The following NSD3 variants were observed in gnomAD, a reference collection of about 807,000 sequenced individuals.
NSD3 encodes the protein histone-lysine N-methyltransferase NSD3.
Under a neutral mutation model 160.8 loss-of-function variants are expected in NSD3, and 24 were observed. That is an observed-to-expected ratio of 0.15 (90% CI 0.11 to 0.21). NSD3 has a LOEUF of 0.21. Among genes scored for constraint, NSD3 ranks in the 10% least tolerant of loss-of-function variants. NSD3 has a pLI of 1.00. For synonymous variants in NSD3, 520 were observed against 600.0 expected (o/e 0.87, Z 1.95); for missense variants, 1,157 against 1,735.9 (o/e 0.67, Z 5.93).
At chr8:38,373,428 T>C (rs2150396414) in intron 1 of NSD3, among the ~76,000 whole-genome samples, 1 of 152,278 alleles carries the variant, frequency 6.6e-6, no homozygotes, top group Middle Eastern at 3.4e-3. Flanking sequence ...ATACTGTACA[T>C]TCAAGTTTTA....
chr8:38,315,320 T>G (rs1585879617), intron 11 of NSD3, 96 bp downstream of exon 11: 1 of 1,336,814 alleles, frequency 7.5e-7, no homozygotes, highest in African/African-American at 1.5e-5. Flanking sequence ...TCATAATAAT[T>G]TGGAAACATA....
intron 5 of NSD3, among the ~76,000 whole-genome samples, 170 bp from the exon 6 acceptor site, chr8:38,330,063 T>C (rs1266165622): frequency 6.6e-6 from 1 of 152,226 alleles, no homozygotes; most frequent in East Asian, 1.9e-4. Context: ...TAAAAAGATA[T>C]TCGATAACAT....
rs571083509 is a variant in NSD3 at position 38,326,758 on chromosome 8, T to C, written c.1680A>G (p.Ser560=). The C allele has an allele frequency of 3.1e-6, 5 of 1,614,060 alleles. No individual in the cohort carries two copies. The highest frequency in any genetic ancestry group is 1.7e-5 in the Admixed American group (1 of 60,024). Residue 560 remains serine, a synonymous_variant, in exon 7 of 24, where the codon TCA becomes TCG. Coordinates refer to ENST00000317025, the MANE Select transcript of NSD3 (RefSeq NM_023034.2). The part of the protein sequence containing the change: ...QRNEKPTQSV[S]SPEATSGSTG... ...TAGAACCAGATGTTGCTTCAGGAGA[T>C]GATACACTCTGCGTTGGCTTTTCAT...
intron 15 of NSD3, among the ~76,000 whole-genome samples, chr8:38,296,670 C>T (rs1005296788): frequency 7.8e-6 from 1 of 128,898 alleles, no homozygotes; most frequent in Non-Finnish European, 1.7e-5. Flanking sequence ...CTCTCTCTCT[C>T]CCTCTGTGTG....
chr8:38,299,790 T>TC (rs1288674311), intron 14 of NSD3, 200 bp from the exon 15 acceptor site: 1 of 407,264 alleles, frequency 2.5e-6, no homozygotes, highest in Non-Finnish European at 4.2e-6. Context: ...CAATTCCTTA[T>TC]CCCTATATAT....
intron 7 of NSD3, 27 bp downstream of exon 7, chr8:38,326,701 ACC>A: frequency 6.3e-7 from 1 of 1,589,098 alleles, no homozygotes. Context: ...CTCAAAATGG[ACC>A]TATATATACT....
At chr8:38,283,465 A>G (rs1329333824) in intron 19 of NSD3, among the ~76,000 whole-genome samples, 2 of 131,232 alleles carry the variant, frequency 1.5e-5, no homozygotes, top group Non-Finnish European at 3.1e-5. Flanking sequence ...AGTATCACAG[A>G]ACTGTTGGTA....
rs372097319 is a variant in NSD3, at chr8:38,347,765, G to A, written c.407C>T (p.Pro136Leu). Residue 136 changes from proline (P) to leucine (L), a missense_variant, in exon 2 of 24, where the codon CCT becomes CTT. Pro to Leu is a moderately conservative substitution (Grantham distance 98). Transcript: ENST00000317025. Reference protein sequence around the residue: ...EKPSPPQPPPPPSVPQTVIPK... With the variant: ...EKPSPPQPPPLPSVPQTVIPK... ...AATCACAGTTTGTGGTACCGAAGGA[G>A]GAGGTGGTGGCTGTGGAGGGGAAGG... 1.2e-6 allele frequency: 2 copies of A among 1,613,198 alleles called. No individual in the cohort carries two copies. Among genetic ancestry groups the A allele is most frequent in the Non-Finnish European group, 1.7e-6 (2 of 1,180,038 alleles).
At chr8:38,337,239 T>C in intron 4 of NSD3, 66 bp downstream of exon 4, 1 of 1,380,222 alleles carries the variant, frequency 7.2e-7, no homozygotes, top group Non-Finnish European at 9.6e-7. Flanking sequence ...TATATTCACA[T>C]ACAACATTTA....
chr8:38,284,682 C>T (rs753958655), intron 19 of NSD3, among the ~76,000 whole-genome samples: 3 of 152,162 alleles, frequency 2.0e-5, no homozygotes, highest in African/African-American at 4.8e-5. Context: ...CCACTGTGCC[C>T]GGCCTAGGGC....
rs530207803 is a variant in NSD3 at position 38,287,377 on chromosome 8, T to C, written c.3501+1110A>G. Among the ~76,000 whole-genome samples, 16 of 152,296 alleles carry C rather than the reference T, an allele frequency of 1.1e-4. No homozygotes were observed. In the South Asian group the frequency reaches 1.7e-3, roughly 16 times the overall value. On this transcript the variant is annotated intron_variant, in intron 19 of 23. Transcript: ENST00000317025. ...ATCTATATGTACTGCCACAAATGTA[T>C]TTATGCTATCGTGTGTGAATGGGAA...
chr8:38,276,350 C>CT lies in NSD3; in HGVS notation c.4017dup (p.Asp1340ArgfsTer12). On this transcript the variant is annotated frameshift_variant, in exon 23 of 24. Coordinates refer to ENST00000317025, the MANE Select transcript of NSD3 (RefSeq NM_023034.2). LOFTEE classifies it high-confidence loss of function. The stretch of plus-strand genomic sequence containing the variant: ...AGGAGGTGGTATGCTTTGGGACAGT[C>CT]TTTTTTGTCACACATGACCAGCTCT... 1.2e-6 allele frequency: 2 copies of CT among 1,614,174 alleles called. No individual in the cohort carries two copies. Among genetic ancestry groups the CT allele is most frequent in the South Asian group, 1.1e-5 (1 of 91,078 alleles).
At chr8:38,291,753 T>G (rs1168957717) in intron 16 of NSD3, among the ~76,000 whole-genome samples, 1 of 152,238 alleles carries the variant, frequency 6.6e-6, no homozygotes, top group African/African-American at 2.4e-5. Flanking sequence ...CTGCCTTCAC[T>G]AACGTCAGTT....
At chr8:38,352,640 C>T (rs1020398550) in intron 1 of NSD3, among the ~76,000 whole-genome samples, 1 of 152,286 alleles carries the variant, frequency 6.6e-6, no homozygotes, top group Non-Finnish European at 1.5e-5. Flanking sequence ...GGGTCTCACT[C>T]TGTTGCCCAG....
chr8:38,378,330 C>T (rs1015641569), intron 1 of NSD3, among the ~76,000 whole-genome samples: 1 of 151,870 alleles, frequency 6.6e-6, no homozygotes, highest in African/African-American at 2.4e-5. Context: ...ATAGTGAAAC[C>T]CTGTCTCTAC....
chr8:38,277,162 G>A (rs963129656), intron 22 of NSD3, among the ~76,000 whole-genome samples: 2 of 152,050 alleles, frequency 1.3e-5, no homozygotes, highest in Non-Finnish European at 2.9e-5. Flanking sequence ...GGCTGGTCTT[G>A]AACTCCTGAG....
At chr8:38,375,846 GA>G (rs1434526594) in intron 1 of NSD3, among the ~76,000 whole-genome samples, 1 of 151,826 alleles carries the variant, frequency 6.6e-6, no homozygotes, top group African/African-American at 2.4e-5. Flanking sequence ...GAATTGCATT[GA>G]AAAACAGATT....
chr8:38,377,790 C>T (rs1780423287), intron 1 of NSD3, among the ~76,000 whole-genome samples: 1 of 151,934 alleles, frequency 6.6e-6, no homozygotes, highest in Admixed American at 6.6e-5. Context: ...AAAAATTAGC[C>T]GGCACGGTGG....
chr8:38,369,520 C>G (rs1161596557), intron 1 of NSD3, among the ~76,000 whole-genome samples: 1 of 152,202 alleles, frequency 6.6e-6, no homozygotes, highest in Non-Finnish European at 1.5e-5. Flanking sequence ...GTTCTTCTTC[C>G]ATTAAACATG....
Sources: allele counts gnomAD v4.1 joint callset (sites outside exome capture counted in the v4.1 genomes callset), GRCh38; gene constraint gnomAD v4.1.1; transcripts MANE v1.5; gene names NCBI Gene and HGNC (gene_info 2026-07-23, HGNC 2026-07-21).